The following GUCA1B variants were observed in gnomAD, a reference collection of about 807,000 sequenced individuals.
GUCA1B encodes the protein guanylyl cyclase-activating protein 2.
In GUCA1B, 22 loss-of-function variants were observed where a neutral mutation model predicts 24.2. The observed-to-expected ratio is 0.91, with a 90% CI of 0.65 to 1.30. GUCA1B has a LOEUF of 1.30. GUCA1B is among the 50% of genes most tolerant of loss of function. The pLI is 0.00. For synonymous variants in GUCA1B, 100 were observed against 97.9 expected (o/e 1.02, Z -0.13); for missense variants, 221 against 258.8 (o/e 0.85, Z 1.00).
rs140024841 is a variant in GUCA1B at position 42,184,382 on chromosome 6, T to C, written c.*433A>G. The stretch of plus-strand genomic sequence containing the variant: ...CTGGGATTACAGGCGTGAGCCACCG[T>C]GCCCGGCAACTCCTGCCTTTTCTTC... On this transcript the variant is annotated 3_prime_UTR_variant, in exon 4 of 4. Coordinates refer to ENST00000230361, the MANE Select transcript of GUCA1B (RefSeq NM_002098.6). The C allele has an allele frequency of 8.7e-3, 2,458 of 283,726 alleles. 64 individuals are homozygous for C. Among genetic ancestry groups the C allele is most frequent in the African/African-American group, 0.05 (2,301 of 45,940 alleles). 17.6% of individuals were successfully genotyped at this position (283,726 alleles called of 1,614,324 possible). A position where few individuals can be genotyped will look rare whatever the true frequency, so the allele number is the denominator to read the frequency against.
intron 1 of GUCA1B, 121 bp downstream of exon 1, chr6:42,194,493 A>T: frequency 2.7e-6 from 2 of 742,512 alleles, no homozygotes; most frequent in South Asian, 2.9e-5. Flanking sequence ...AGAGAGACGG[A>T]GTGGAAAGAA....
At chr6:42,185,216 G>A (rs1228677938) in intron 3 of GUCA1B, among the ~76,000 whole-genome samples, 1 of 152,226 alleles carries the variant, frequency 6.6e-6, no homozygotes, top group East Asian at 1.9e-4. Context: ...GAGGGCTCAA[G>A]TGTGTATTCC....
At chr6:42,191,716 T>G (rs1768307442) in intron 1 of GUCA1B, among the ~76,000 whole-genome samples, 1 of 152,192 alleles carries the variant, frequency 6.6e-6, no homozygotes, top group Non-Finnish European at 1.5e-5. Context: ...TGTTGCTTAT[T>G]AATTACAAAG....
chr6:42,194,591 T>G, intron 1 of GUCA1B, 23 bp downstream of exon 1: 11 of 1,504,192 alleles, frequency 7.3e-6, no homozygotes, highest in South Asian at 1.1e-5. Flanking sequence ...TGGCCACTGG[T>G]CCTTCCCTTC....
rs775231700 is a variant in GUCA1B, at chr6:42,184,947, G to A, written c.476-5C>T. The stretch of plus-strand genomic sequence containing the variant: ...ACTCGTTCAGAGACAGCTGGCCTGA[G>A]CAAGGGGGAGGAGAGGTGGTCATGT... On this transcript the variant is annotated splice_region_variant and splice_polypyrimidine_tract_variant and intron_variant, in intron 3 of 3. Coordinates refer to ENST00000230361, the MANE Select transcript of GUCA1B (RefSeq NM_002098.6). 19 of 1,613,964 alleles carry A rather than the reference G, an allele frequency of 1.2e-5. No homozygotes were observed. Among genetic ancestry groups the A allele is most frequent in the East Asian group, 2.2e-5 (1 of 44,892 alleles).
chr6:42,191,281 G>A (rs759010160), intron 1 of GUCA1B, among the ~76,000 whole-genome samples: 3 of 152,074 alleles, frequency 2.0e-5, no homozygotes, highest in Admixed American at 1.3e-4. Flanking sequence ...CATTCCAGGC[G>A]GTCATAGGGC....
intron 1 of GUCA1B, among the ~76,000 whole-genome samples, chr6:42,192,303 A>G (rs36148327): frequency 0.55 from 77,236 of 139,800 alleles, 22,970 homozygotes; most frequent in East Asian, 0.84. Context: ...GCAGTGAGCC[A>G]AGATCATACC....
rs1478636152 is a variant in GUCA1B at position 42,188,637 on chromosome 6, T to C, written c.302A>G (p.Tyr101Cys). The C allele has an allele frequency of 1.9e-6, 3 of 1,613,980 alleles. No individual in the cohort carries two copies. The highest frequency in any genetic ancestry group is 1.3e-5 in the African/African-American group (1 of 74,912). Residue 101 changes from tyrosine to cysteine, a missense_variant, in exon 2 of 4, where the codon TAT (tyrosine) becomes TGT (cysteine). Transcript: ENST00000230361. ...GATGCAGCCATTGCCATCCTTATCATAGATCTTGAATGTCCACTTCAGCTT... is the reference window on the plus strand; with the variant it reads ...GATGCAGCCATTGCCATCCTTATCACAGATCTTGAATGTCCACTTCAGCTT... Reference protein sequence around the residue: ...EHKLKWTFKIYDKDGNGCIDR... With the variant: ...EHKLKWTFKICDKDGNGCIDR...
At position 42,183,731 on chromosome 6, in the gene GUCA1B, A is replaced by C. The variant is rs963943242; in HGVS notation, c.*1084T>G. ...CCAATTCTTGCCAGAGACAGACAGA[A>C]GTTTTCTCCATCCTTTAAAGAGAAA... On this transcript the variant is annotated 3_prime_UTR_variant, in exon 4 of 4. Coordinates refer to ENST00000230361, the MANE Select transcript of GUCA1B (RefSeq NM_002098.6). Among the ~76,000 whole-genome samples the C allele has an allele frequency of 2.0e-5, 3 of 152,128 alleles. No homozygotes were observed. Among genetic ancestry groups the C allele is most frequent in the African/African-American group, 7.2e-5 (3 of 41,428 alleles).
chr6:42,193,517 A>C (rs1768344787), intron 1 of GUCA1B, among the ~76,000 whole-genome samples: 1 of 152,212 alleles, frequency 6.6e-6, no homozygotes, highest in African/African-American at 2.4e-5. Context: ...ATTTGGAATA[A>C]CAAAAGTCTG....
At chr6:42,187,418 C>CTT (rs70987578) in intron 2 of GUCA1B, among the ~76,000 whole-genome samples, 12 of 129,574 alleles carry the variant, frequency 9.3e-5, no homozygotes, top group African/African-American at 1.5e-4. Flanking sequence ...GTTTATTTTA[C>CTT]TTTTTTTTTT....
Position 42,184,622 on chromosome 6 carries a change from C to A in GUCA1B, c.*193G>T, listed in dbSNP as rs1026756617. On this transcript the variant is annotated 3_prime_UTR_variant, in exon 4 of 4. Transcript: ENST00000230361. ...AATTCCCTTCACCATCCCAGGGACT[C>A]CTCCAAAATGGACTATGCCCTGTTG... 5 of 673,962 alleles carry A rather than the reference C, an allele frequency of 7.4e-6. No homozygotes were observed. Among genetic ancestry groups the A allele is most frequent in the African/African-American group, 1.8e-5 (1 of 56,548 alleles). 41.7% of individuals were successfully genotyped at this position (673,962 alleles called of 1,614,324 possible). A position where few individuals can be genotyped will look rare whatever the true frequency, so the allele number is the denominator to read the frequency against.
In GUCA1B at chr6:42,184,794, C is replaced by A; in HGVS notation, c.*21G>T. 6.2e-7 allele frequency: 1 copy of A among 1,613,184 alleles called. No individual in the cohort carries two copies. The highest frequency in any genetic ancestry group is 1.1e-5 in the South Asian group (1 of 91,054). Reference sequence around the variant, plus strand: ...CTGGAAACCTGGGTGAGCCTGGAGTCGTGGAGGGGCCCCAGACTCCTCAGA... The same window carrying A: ...CTGGAAACCTGGGTGAGCCTGGAGTAGTGGAGGGGCCCCAGACTCCTCAGA... On this transcript the variant is annotated 3_prime_UTR_variant, in exon 4 of 4. Coordinates refer to ENST00000230361, the MANE Select transcript of GUCA1B (RefSeq NM_002098.6).
In GUCA1B at chr6:42,192,353, C is replaced by CA. The variant is rs552941208; in HGVS notation, c.207+2260dup. ...AGGGTGACAGAGCGAGACTCCAACT[C>CA]AAAAAAAAAAAAAAAAAAAAAAAAA... On this transcript the variant is annotated intron_variant, in intron 1 of 3. Transcript: ENST00000230361. Among the ~76,000 whole-genome samples, 62 of 57,200 alleles carry CA rather than the reference C, an allele frequency of 1.1e-3. 1 individual carries two copies. The highest frequency in any genetic ancestry group is 2.2e-3 in the South Asian group (2 of 896). 37.5% of individuals were successfully genotyped at this position (57,200 alleles called of 152,430 possible).
At chr6:42,188,886 T>TTCTATCTATAATCTATCTA (rs1768244263) in intron 1 of GUCA1B, among the ~76,000 whole-genome samples, 155 bp from the exon 2 acceptor site, 1 of 116,430 alleles carries the variant, frequency 8.6e-6, no homozygotes. Flanking sequence ...GTAGAGAACA[T>TTCTATCTATAATCTATCTA]TCTATCTATC....
intron 2 of GUCA1B, among the ~76,000 whole-genome samples, chr6:42,186,102 A>G (rs1365424546): frequency 1.3e-5 from 2 of 152,184 alleles, no homozygotes; most frequent in Non-Finnish European, 2.9e-5. Context: ...TTAAGTCACC[A>G]TGACAGTCTA....
chr6:42,185,707 A>G lies in GUCA1B; in HGVS notation c.448T>C (p.Phe150Leu), dbSNP rs767596914. The change falls in exon 3 of 4, where the codon TTC becomes CTC. Residue 150 changes from phenylalanine (F) to leucine (L), a missense_variant. By Grantham distance (22) the Phe-to-Leu change is conservative (BLOSUM62 0). Coordinates refer to ENST00000230361, the MANE Select transcript of GUCA1B (RefSeq NM_002098.6). ...LTPEEVVDRI[F>L]LLVDENGDGQ... ...TCTCCATTCTCATCCACCAGGAGGA[A>G]GATCCTGTCCACGACCTCCTCGGGT... 1.9e-6 allele frequency: 3 copies of G among 1,603,896 alleles called. No individual in the cohort carries two copies. The highest frequency in any genetic ancestry group is 2.2e-5 in the South Asian group (2 of 90,866).
At chr6:42,185,852 C>T (rs983736175) in intron 2 of GUCA1B, 55 bp from the exon 3 acceptor site, 14 of 1,031,618 alleles carry the variant, frequency 1.4e-5, no homozygotes, top group Non-Finnish European at 2.0e-5. Flanking sequence ...TCCACCTTCA[C>T]CCCAGTGACC....
chr6:42,189,903 G>A (rs1342530176), intron 1 of GUCA1B, among the ~76,000 whole-genome samples: 2 of 152,202 alleles, frequency 1.3e-5, no homozygotes, highest in Non-Finnish European at 2.9e-5. Context: ...ACTTACAGGT[G>A]CTCACTTATT....
Sources: allele counts gnomAD v4.1 joint callset (sites outside exome capture counted in the v4.1 genomes callset), GRCh38; gene constraint gnomAD v4.1.1; transcripts MANE v1.5; gene names NCBI Gene and HGNC (gene_info 2026-07-23, HGNC 2026-07-21).